The following FCRL1 variants were observed in gnomAD, a reference collection of about 807,000 sequenced individuals.
FCRL1 encodes Fc receptor like 1, also known as Fc receptor-like protein 1.
FCRL1 carries 34 observed loss-of-function variants against 49.2 expected under a neutral mutation model. The observed-to-expected ratio is 0.69, with a 90% CI of 0.53 to 0.92. FCRL1 has a LOEUF of 0.92. FCRL1 is among the 40% of genes least tolerant of loss of function. The pLI, the probability that FCRL1 is intolerant of heterozygous loss-of-function variation, is 0.00. For synonymous variants in FCRL1, 218 were observed against 201.6 expected, an observed-to-expected ratio of 1.08 and a Z score of -0.69; for missense variants, 524 against 524.1, an observed-to-expected ratio of 1.00 and a Z score of 0.00.
At position 157,798,031 on chromosome 1, in the gene FCRL1, C is replaced by T. The variant is rs1231351831; in HGVS notation, c.1115-92G>A. 3.3e-6 allele frequency: 5 copies of T among 1,516,600 alleles called. No individual in the cohort carries two copies. In the East Asian group the frequency reaches 6.8e-5, roughly 21 times the overall value. The allele number at this position is 1,516,600 out of a possible 1,614,324, so 93.9% of individuals were successfully genotyped here. ...CTTCCACCTGTCACAGCCATGAAGA[C>T]AGATGAGTCATTTGTTTGTAGCAGA... On this transcript the variant is annotated intron_variant, in intron 8 of 10. Coordinates refer to ENST00000368176, the MANE Select transcript of FCRL1 (RefSeq NM_052938.5).
intron 2 of FCRL1, among the ~76,000 whole-genome samples, chr1:157,806,013 T>TA (rs1182606578): frequency 6.6e-6 from 1 of 152,220 alleles, no homozygotes; most frequent in Non-Finnish European, 1.5e-5. Context: ...AGCTCAGTCT[T>TA]ACAGCTCAGA....
rs75402685 is a variant in FCRL1, at chr1:157,812,356, C to A, written c.32-5234G>T. On this transcript the variant is annotated intron_variant, in intron 1 of 10. Coordinates refer to ENST00000368176, the MANE Select transcript of FCRL1 (RefSeq NM_052938.5). ...TCCTATCACCATTCCAGGGTCTTTC[C>A]GGTCACTACACCTGGCATCACAGAG... Among the ~76,000 whole-genome samples the A allele has an allele frequency of 2.5e-3, 386 of 152,182 alleles. 6 individuals carry two copies. The highest frequency in any genetic ancestry group is 8.9e-3 in the African/African-American group (368 of 41,502).
chr1:157,797,630 T>C, intron 9 of FCRL1: 1 of 1,007,770 alleles, frequency 9.9e-7, no homozygotes, highest in Non-Finnish European at 1.5e-6. Flanking sequence ...TCTTTCTAAG[T>C]GACTATAATT....
At chr1:157,798,366 G>A (rs1266451649) in intron 7 of FCRL1, 123 bp from the exon 8 acceptor site, 2 of 809,522 alleles carry the variant, frequency 2.5e-6, no homozygotes, top group East Asian at 2.8e-5. Flanking sequence ...ACGGGGAAAT[G>A]AGCAGCTAGA....
chr1:157,810,300 CTTTTTT>C (rs546970268), intron 1 of FCRL1, among the ~76,000 whole-genome samples: 3 of 146,164 alleles, frequency 2.1e-5, no homozygotes, highest in Non-Finnish European at 4.5e-5. Context: ...TTTCTTTTTT[CTTTTTT>C]TTTTTTTTAA....
intron 1 of FCRL1, among the ~76,000 whole-genome samples, chr1:157,807,587 T>A (rs1653677794): frequency 6.6e-6 from 1 of 152,046 alleles, no homozygotes; most frequent in African/African-American, 2.4e-5. Flanking sequence ...AACAACAGAG[T>A]CAGGCAAGGA....
At chr1:157,810,939 T>A (rs1654236876) in intron 1 of FCRL1, among the ~76,000 whole-genome samples, 1 of 152,000 alleles carries the variant, frequency 6.6e-6, no homozygotes, top group Admixed American at 6.5e-5. Flanking sequence ...AATGCCAGGA[T>A]AATTATTTAT....
rs201209001 is a variant in FCRL1 at position 157,802,156 on chromosome 1, G to A, written c.645C>T (p.Pro215=). The change falls in exon 5 of 11, where the codon CCC becomes CCT. Residue 215 remains proline, a synonymous_variant. Transcript: ENST00000368176. ...VSRPILMLRA[P]RAQAAVEDVL... is the part of the protein sequence containing the mutation. ...CATCCTCCACTGCAGCCTGGGCCCT[G>A]GGAGCCCTGAGCATGAGGATTGGGC... 279 of 1,613,974 alleles carry A rather than the reference G, an allele frequency of 1.7e-4. No homozygotes were observed. Among genetic ancestry groups the A allele is most frequent in the Non-Finnish European group, 2.3e-4 (276 of 1,179,974 alleles).
chr1:157,803,183 C>T (rs1011395095), intron 3 of FCRL1, among the ~76,000 whole-genome samples: 4 of 152,128 alleles, frequency 2.6e-5, no homozygotes, highest in African/African-American at 9.7e-5. Context: ...ATAAATTGCT[C>T]AGTGATTATT....
chr1:157,801,637 G>T, intron 5 of FCRL1, 60 bp from the exon 6 acceptor site: 1 of 1,218,150 alleles, frequency 8.2e-7, no homozygotes, highest in Non-Finnish European at 1.2e-6. Context: ...TTAGAGAGCA[G>T]ACATCTTGGG....
intron 1 of FCRL1, 78 bp downstream of exon 1, chr1:157,819,929 G>C: frequency 1.3e-6 from 2 of 1,551,570 alleles, no homozygotes; most frequent in Non-Finnish European, 1.8e-6. Flanking sequence ...TTAGTCCTAA[G>C]AAGTCCTTAC....
intron 7 of FCRL1, among the ~76,000 whole-genome samples, chr1:157,798,989 A>G (rs1651995623): frequency 1.3e-5 from 2 of 152,082 alleles, no homozygotes; most frequent in Non-Finnish European, 2.9e-5. Flanking sequence ...GGTGAAAGCT[A>G]TGTGATTATT....
intron 1 of FCRL1, among the ~76,000 whole-genome samples, chr1:157,813,652 A>G (rs1315997828): frequency 6.6e-6 from 1 of 152,208 alleles, no homozygotes; most frequent in Non-Finnish European, 1.5e-5. Context: ...AAAGATATAG[A>G]GAAGGTTTTG....
At chr1:157,818,099 G>A (rs1283521221) in intron 1 of FCRL1, among the ~76,000 whole-genome samples, 1 of 152,056 alleles carries the variant, frequency 6.6e-6, no homozygotes, top group Non-Finnish European at 1.5e-5. Flanking sequence ...CAGTATGGAG[G>A]CTCTTAAAAT....
intron 2 of FCRL1, 98 bp from the exon 3 acceptor site, chr1:157,804,209 C>T: frequency 2.0e-6 from 3 of 1,478,006 alleles, no homozygotes; most frequent in Non-Finnish European, 2.7e-6. Flanking sequence ...CTCAAAGAAA[C>T]AGCCAGTTGG....
chr1:157,803,462 C>T (rs946800933), intron 3 of FCRL1, among the ~76,000 whole-genome samples: 1 of 152,224 alleles, frequency 6.6e-6, no homozygotes, highest in African/African-American at 2.4e-5. Flanking sequence ...CTCTGAACAT[C>T]TCAGTCCTTT....
At position 157,797,926 on chromosome 1, in the gene FCRL1, A is replaced by G. The variant is rs755622394; in HGVS notation, c.1128T>C (p.Ser376=). 6.2e-7 allele frequency: 1 copy of G among 1,614,060 alleles called. No individual in the cohort carries two copies. The highest frequency in any genetic ancestry group is 8.5e-7 in the Non-Finnish European group (1 of 1,179,994). The change falls in exon 9 of 11, where the codon AGT becomes AGC. Residue 376 remains serine, a synonymous_variant. Coordinates refer to ENST00000368176, the MANE Select transcript of FCRL1 (RefSeq NM_052938.5). The part of the protein sequence containing the change: ...QPIYENVNVV[S]GDEVYSLAYY... ...ACGCCAGTGAATAAACCTCATCCCCACTTACAACATTCACTGCAAGAGAAG... is the reference window on the plus strand; with the variant it reads ...ACGCCAGTGAATAAACCTCATCCCCGCTTACAACATTCACTGCAAGAGAAG...
intron 1 of FCRL1, 21 bp from the exon 2 acceptor site, chr1:157,807,143 G>T (rs762225983): frequency 1.5e-5 from 24 of 1,613,120 alleles, no homozygotes; most frequent in Non-Finnish European, 1.9e-5. Flanking sequence ...ATTCAGCAGA[G>T]ATCAGTACAG....
At chr1:157,796,665 T>C (rs1003551787) in intron 10 of FCRL1, among the ~76,000 whole-genome samples, 4 of 152,370 alleles carry the variant, frequency 2.6e-5, no homozygotes, top group African/African-American at 7.2e-5. Flanking sequence ...CCTTGAATTA[T>C]TCAAAGTTTA....
Sources: allele counts gnomAD v4.1 joint callset (sites outside exome capture counted in the v4.1 genomes callset), GRCh38; gene constraint gnomAD v4.1.1; transcripts MANE v1.5; gene names NCBI Gene and HGNC (gene_info 2026-07-23, HGNC 2026-07-21).